Variants in KCNH7 observed in about 807,000 individuals in gnomAD.
The protein encoded by KCNH7 is voltage-gated inwardly rectifying potassium channel KCNH7.
A neutral mutation model predicts 120.8 loss-of-function variants in KCNH7; 49 were observed. That is an observed-to-expected ratio of 0.41 (90% confidence interval 0.32 to 0.51). KCNH7 has a LOEUF of 0.51. KCNH7 is among the 20% of genes least tolerant of loss of function. The pLI is 0.38. For missense variants in KCNH7, 1,097 were observed against 1,446.6 expected (o/e 0.76, Z 3.92); for synonymous variants, 547 against 516.1 (o/e 1.06, Z -0.81).
chr2:162,378,431 C>T (rs979807049), intron 14 of KCNH7, among the ~76,000 whole-genome samples: 4 of 152,136 alleles, frequency 2.6e-5, no homozygotes, highest in East Asian at 1.9e-4. Flanking sequence ...CAACAATAAA[C>T]GGCATGGACA....
Position 162,661,740 on chromosome 2 carries a change from T to C in KCNH7, c.308-124660A>G, listed in dbSNP as rs576047244. Among the ~76,000 whole-genome samples, 128 of 152,200 alleles carry C rather than the reference T, an allele frequency of 8.4e-4. 1 individual carries two copies. Among genetic ancestry groups the C allele is most frequent in the Non-Finnish European group, 1.3e-3 (87 of 68,012 alleles). On this transcript the variant is annotated intron_variant, in intron 2 of 15. Transcript: ENST00000332142. ...TCATGGGATAAAGGTCATGTAATAT[T>C]GAGAAGGAGATACTACACATTTAGA... is the stretch of plus-strand genomic sequence containing the variant.
At chr2:162,748,317 G>A (rs1688386452) in intron 2 of KCNH7, among the ~76,000 whole-genome samples, 1 of 152,130 alleles carries the variant, frequency 6.6e-6, no homozygotes, top group African/African-American at 2.4e-5. Context: ...TGATATCCAG[G>A]TTGAATTTTT....
chr2:162,673,096 C>G (rs1301792097), intron 2 of KCNH7, among the ~76,000 whole-genome samples: 1 of 151,774 alleles, frequency 6.6e-6, no homozygotes, highest in Non-Finnish European at 1.5e-5. Context: ...ACAATTCTAC[C>G]AAACTTTAAA....
intron 2 of KCNH7, among the ~76,000 whole-genome samples, chr2:162,717,640 A>T (rs1182359718): frequency 1.3e-5 from 2 of 151,974 alleles, no homozygotes; most frequent in Non-Finnish European, 2.9e-5. Context: ...TCCTTAACAC[A>T]TCCTTCTTTT....
At chr2:162,442,882 C>G (rs1038670228) in intron 7 of KCNH7, among the ~76,000 whole-genome samples, 1 of 152,124 alleles carries the variant, frequency 6.6e-6, no homozygotes, top group Non-Finnish European at 1.5e-5. Flanking sequence ...GAAATTACGA[C>G]TGTTCTTATA....
intron 5 of KCNH7, among the ~76,000 whole-genome samples, chr2:162,506,108 T>C (rs531500494): frequency 6.6e-6 from 1 of 152,028 alleles, no homozygotes; most frequent in East Asian, 1.9e-4. Flanking sequence ...GTTGACTCCC[T>C]GAGTCTTATC....
rs1465798238 is a variant in KCNH7 at position 162,574,368 on chromosome 2, A to AT, written c.308-37289dup. On this transcript the variant is annotated intron_variant, in intron 2 of 15. Coordinates refer to ENST00000332142, the MANE Select transcript of KCNH7 (RefSeq NM_033272.4). ...TTAATAGTCTCTTTCAAACTTTAGT[A>AT]TTTTTTAAAGTATTAATTTTCTCTT... 2.0e-5 allele frequency among the ~76,000 whole-genome samples: 3 copies of AT among 151,994 alleles called. No individual in the cohort carries two copies. In the East Asian group the frequency reaches 5.8e-4, roughly 29 times the overall value.
chr2:162,744,673 C>T (rs762492655), intron 2 of KCNH7, among the ~76,000 whole-genome samples: 15 of 151,120 alleles, frequency 9.9e-5, no homozygotes, highest in African/African-American at 3.4e-4. Flanking sequence ...CTCGGGTTCA[C>T]GCCATTCTCC....
intron 2 of KCNH7, among the ~76,000 whole-genome samples, chr2:162,706,797 A>T (rs1009268582): frequency 5.3e-5 from 8 of 152,134 alleles, no homozygotes; most frequent in African/African-American, 1.9e-4. Context: ...CACATAGAAA[A>T]TAATAATGTT....
chr2:162,724,857 T>C (rs1239930898), intron 2 of KCNH7, among the ~76,000 whole-genome samples: 1 of 152,160 alleles, frequency 6.6e-6, no homozygotes, highest in Non-Finnish European at 1.5e-5. Context: ...GTCAAATAGA[T>C]ATTATAGCAA....
intron 2 of KCNH7, among the ~76,000 whole-genome samples, chr2:162,543,151 G>A (rs1001271386): frequency 6.6e-6 from 1 of 151,970 alleles, no homozygotes; most frequent in Non-Finnish European, 1.5e-5. Flanking sequence ...GAAGTTTTAT[G>A]AACAAATAAA....
At chr2:162,390,732 C>T (rs985604155) in intron 12 of KCNH7, among the ~76,000 whole-genome samples, 1 of 151,760 alleles carries the variant, frequency 6.6e-6, no homozygotes, top group Non-Finnish European at 1.5e-5. Flanking sequence ...TTTAAAAATA[C>T]AAGGTGCTCT....
At chr2:162,477,817 T>TATCCATCC (rs4001398) in intron 6 of KCNH7, among the ~76,000 whole-genome samples, 9,214 of 148,960 alleles carry the variant, frequency 0.062, 752 homozygotes, top group African/African-American at 0.16. Flanking sequence ...CCCAAACATC[T>TATCCATCC]ATCCATCCAT....
At chr2:162,451,338 C>G (rs1321366941) in intron 6 of KCNH7, among the ~76,000 whole-genome samples, 1 of 152,026 alleles carries the variant, frequency 6.6e-6, no homozygotes, top group Non-Finnish European at 1.5e-5. Flanking sequence ...CGAACCAACT[C>G]TATCCAAAAT....
At chr2:162,809,075 G>T (rs1684644530) in intron 2 of KCNH7, among the ~76,000 whole-genome samples, 1 of 152,112 alleles carries the variant, frequency 6.6e-6, no homozygotes, top group Non-Finnish European at 1.5e-5. Flanking sequence ...AATTTAGATG[G>T]AGTCATTTTC....
At chr2:162,825,115 T>C (rs1287846707) in intron 2 of KCNH7, among the ~76,000 whole-genome samples, 2 of 152,006 alleles carry the variant, frequency 1.3e-5, no homozygotes, top group African/African-American at 4.8e-5. Flanking sequence ...TTGGTATCAG[T>C]TTCTGAATCT....
At chr2:162,721,112 CATT>C (rs1409647822) in intron 2 of KCNH7, among the ~76,000 whole-genome samples, 2 of 152,134 alleles carry the variant, frequency 1.3e-5, no homozygotes, top group Non-Finnish European at 2.9e-5. Flanking sequence ...AGCAGCACAT[CATT>C]GTGTGGCATT....
chr2:162,407,735 A>T (rs1393593176), intron 9 of KCNH7, among the ~76,000 whole-genome samples: 1 of 151,990 alleles, frequency 6.6e-6, no homozygotes, highest in Non-Finnish European at 1.5e-5. Context: ...GGGGGAAGGG[A>T]TGAACAGAAC....
intron 2 of KCNH7, among the ~76,000 whole-genome samples, chr2:162,833,972 A>C (rs986596678): frequency 6.6e-6 from 1 of 152,166 alleles, no homozygotes; most frequent in Non-Finnish European, 1.5e-5. Context: ...CAAAAGAAGC[A>C]TTTACTGTAT....
Sources: gnomAD v4.1 joint callset for allele counts (sites outside exome capture counted in the v4.1 genomes callset) on GRCh38, gnomAD v4.1.1 for gene constraint, MANE v1.5 for transcripts, NCBI Gene and HGNC (gene_info 2026-07-23, HGNC 2026-07-21) for gene names.